The following ELF1 variants were observed in gnomAD, a reference collection of about 807,000 sequenced individuals.
The protein encoded by ELF1 is E74 like ETS transcription factor 1.
A neutral mutation model predicts 59.9 loss-of-function variants in ELF1; 24 were observed. That is an observed-to-expected ratio of 0.40 (90% CI 0.29 to 0.56). ELF1 has a LOEUF of 0.56. Ranked by LOEUF, ELF1 falls within the 20% of genes least tolerant of loss-of-function variation. The pLI, the probability that ELF1 is intolerant of heterozygous loss-of-function variation, is 0.44. For missense variants in ELF1, 627 were observed against 742.2 expected, an observed-to-expected ratio of 0.84 and a Z score of 1.80; for synonymous variants, 248 against 266.2, an observed-to-expected ratio of 0.93 and a Z score of 0.67.
intron 1 of ELF1, among the ~76,000 whole-genome samples, chr13:41,040,737 C>T (rs767859311): frequency 3.9e-5 from 6 of 152,114 alleles, no homozygotes; most frequent in Non-Finnish European, 8.8e-5. Context: ...CTTGCTGTGC[C>T]GCCTGGTTCC....
At chr13:40,934,414 TG>T (rs1313076316) in intron 8 of ELF1, among the ~76,000 whole-genome samples, 3 of 119,680 alleles carry the variant, frequency 2.5e-5, no homozygotes, top group Admixed American at 1.1e-4. Context: ...GATTCATTCC[TG>T]CTTTTTTTTT....
intron 1 of ELF1, among the ~76,000 whole-genome samples, chr13:41,057,176 T>G (rs548929791): frequency 1.4e-5 from 2 of 144,132 alleles, no homozygotes; most frequent in East Asian, 4.1e-4. Context: ...TTTTAAGAGA[T>G]AAGGTCTTAG....
chr13:41,055,586 C>T (rs1877258456), intron 1 of ELF1, among the ~76,000 whole-genome samples: 1 of 152,128 alleles, frequency 6.6e-6, no homozygotes, highest in African/African-American at 2.4e-5. Flanking sequence ...TATCTGTATA[C>T]TTACCTAACC....
At chr13:40,938,483 T>C (rs976320849) in intron 8 of ELF1, among the ~76,000 whole-genome samples, 1 of 152,240 alleles carries the variant, frequency 6.6e-6, no homozygotes, top group South Asian at 2.1e-4. Context: ...GTAGGCAGTG[T>C]AGCAAGTCAT....
intron 1 of ELF1, among the ~76,000 whole-genome samples, chr13:40,997,073 C>G (rs1874163247): frequency 6.6e-6 from 1 of 152,172 alleles, no homozygotes; most frequent in African/African-American, 2.4e-5. Flanking sequence ...AGTCACAGTG[C>G]AACCAGGTTT....
intron 2 of ELF1, among the ~76,000 whole-genome samples, chr13:40,978,519 C>T (rs1016184183): frequency 1.3e-5 from 2 of 151,930 alleles, no homozygotes; most frequent in African/African-American, 4.8e-5. Context: ...GTAATATTGA[C>T]ATATTTTATT....
At chr13:41,017,498 T>C (rs1875474893) in intron 1 of ELF1, among the ~76,000 whole-genome samples, 1 of 152,168 alleles carries the variant, frequency 6.6e-6, no homozygotes, top group African/African-American at 2.4e-5. Flanking sequence ...CAGTTCAAAC[T>C]TACATTCAAT....
intron 1 of ELF1, among the ~76,000 whole-genome samples, chr13:41,016,683 G>A (rs1161059217): frequency 1.3e-5 from 2 of 151,618 alleles, no homozygotes; most frequent in Non-Finnish European, 2.9e-5. Flanking sequence ...GGGAGGCCGA[G>A]GTGAGCGGAT....
exon 1 of ELF1, chr13:41,060,914 TGCCGC>T (rs1877560343): frequency 6.0e-6 from 2 of 335,422 alleles, no homozygotes; most frequent in Non-Finnish European, 1.2e-5. Context: ...AAGCTGCTGC[TGCCGC>T]CGCCGCCGCC....
chr13:40,947,188 A>G (rs1345571702), intron 5 of ELF1, among the ~76,000 whole-genome samples: 1 of 152,190 alleles, frequency 6.6e-6, no homozygotes, highest in Non-Finnish European at 1.5e-5. Context: ...CCCAAACTAC[A>G]AACAACCCAA....
intron 8 of ELF1, among the ~76,000 whole-genome samples, chr13:40,936,056 T>C (rs989231911): frequency 1.3e-5 from 2 of 152,202 alleles, no homozygotes; most frequent in Admixed American, 6.5e-5. Flanking sequence ...TACATCAATA[T>C]GCATAACCTT....
chr13:41,058,806 T>C lies in ELF1; in HGVS notation c.-229+2032A>G, dbSNP rs140769174. Among the ~76,000 whole-genome samples, 1,223 of 152,128 alleles carry C rather than the reference T, an allele frequency of 8.0e-3. 15 individuals carry two copies. Among genetic ancestry groups the C allele is most frequent in the African/African-American group, 0.028 (1,142 of 41,490 alleles). ...TGGCCAACATGGTGAAACATTGTCT[T>C]TACTCAAAATACAAAAATTGGCCAC... On this transcript the variant is annotated intron_variant, in intron 1 of 1. Coordinates refer to the ELF1 transcript ENST00000405737.
chr13:41,001,278 A>AT (rs886090992), intron 1 of ELF1, among the ~76,000 whole-genome samples: 4 of 151,198 alleles, frequency 2.6e-5, no homozygotes, highest in South Asian at 2.1e-4. Context: ...CCTGGCCAAC[A>AT]TTTTTTTTTA....
At chr13:40,996,528 CTAAG>C (rs1874135252) in intron 1 of ELF1, among the ~76,000 whole-genome samples, 1 of 152,178 alleles carries the variant, frequency 6.6e-6, no homozygotes, top group Admixed American at 6.5e-5. Context: ...ATGCTTATTA[CTAAG>C]TGACATTTGC....
chr13:40,943,194 A>C, intron 6 of ELF1, 50 bp from the exon 7 acceptor site: 1 of 1,421,164 alleles, frequency 7.0e-7, no homozygotes, highest in Non-Finnish European at 9.3e-7. Flanking sequence ...CATTTAAAAG[A>C]ACCTCAAAAA....
intron 1 of ELF1, among the ~76,000 whole-genome samples, chr13:40,991,711 A>C (rs1740230194): frequency 6.6e-6 from 1 of 152,168 alleles, no homozygotes; most frequent in Admixed American, 6.5e-5. Context: ...TCATTTATAT[A>C]TTTAGCAAAT....
intron 1 of ELF1, chr13:40,992,928 T>C (rs1873940985): frequency 2.8e-6 from 2 of 723,806 alleles, no homozygotes; most frequent in Non-Finnish European, 4.9e-6. Context: ...TATATCATTC[T>C]AGCCTTTTCT....
rs1593343750 is a variant in ELF1, at chr13:40,933,155, C to T, written c.*270G>A. ...AATTAGAAAAGAAACTTTAAAAATG[C>T]TTATGATATAGCAACTGAAATAAAA... On this transcript the variant is annotated 3_prime_UTR_variant, in exon 9 of 9. Coordinates refer to ENST00000239882, the MANE Select transcript of ELF1 (RefSeq NM_172373.4). The T allele has an allele frequency of 2.8e-6, 1 of 356,394 alleles. No individual in the cohort carries two copies. Among genetic ancestry groups the T allele is most frequent in the Non-Finnish European group, 5.0e-6 (1 of 200,004 alleles). 22.1% of individuals were successfully genotyped at this position (356,394 alleles called of 1,614,324 possible). A position where few individuals can be genotyped will look rare whatever the true frequency, so the allele number is the denominator to read the frequency against.
At position 41,029,028 on chromosome 13, in the gene ELF1, C is replaced by A. The variant is rs75013450; in HGVS notation, c.-229+31810G>T. Reference sequence around the variant, plus strand: ...AAAGTGCTGGGATTACAGGTGTGAGCCACCATGCCCGGCCAAGTATTGTTA... The same window carrying A: ...AAAGTGCTGGGATTACAGGTGTGAGACACCATGCCCGGCCAAGTATTGTTA... On this transcript the variant is annotated intron_variant, in intron 1 of 1. Transcript: ENST00000405737. 9.2e-3 allele frequency among the ~76,000 whole-genome samples: 1,399 copies of A among 152,272 alleles called. 22 individuals carry two copies. The highest frequency in any genetic ancestry group is 0.032 in the African/African-American group (1,344 of 41,530).
Sources: gnomAD v4.1 joint callset for allele counts (sites outside exome capture counted in the v4.1 genomes callset) on GRCh38, gnomAD v4.1.1 for gene constraint, MANE v1.5 for transcripts, NCBI Gene and HGNC (gene_info 2026-07-23, HGNC 2026-07-21) for gene names.